Variants in GPC5 observed in about 807,000 individuals in gnomAD.
GPC5 encodes the protein glypican-5.
GPC5 carries 47 observed loss-of-function variants against 53.9 expected under a neutral mutation model. That is an observed-to-expected ratio of 0.87 (90% CI 0.69 to 1.11). GPC5 has a LOEUF of 1.11. GPC5 is among the 50% of genes most tolerant of loss of function. GPC5 has a pLI of 0.00. For synonymous variants in GPC5, 286 were observed against 263.3 expected (o/e 1.09, Z -0.84); for missense variants, 748 against 713.1 (o/e 1.05, Z -0.56).
intron 7 of GPC5, among the ~76,000 whole-genome samples, chr13:92,267,423 T>G (rs1257784335): frequency 6.6e-6 from 1 of 152,118 alleles, no homozygotes; most frequent in Non-Finnish European, 1.5e-5. Context: ...TCTACAATAC[T>G]GAACATTCTG....
intron 7 of GPC5, among the ~76,000 whole-genome samples, chr13:92,425,980 C>A (rs1876814570): frequency 6.6e-6 from 1 of 151,998 alleles, no homozygotes; most frequent in Non-Finnish European, 1.5e-5. Flanking sequence ...AACATTAGAT[C>A]AACATACATT....
At chr13:92,193,542 C>A (rs1209409827) in intron 7 of GPC5, among the ~76,000 whole-genome samples, 1 of 152,112 alleles carries the variant, frequency 6.6e-6, no homozygotes, top group Non-Finnish European at 1.5e-5. Flanking sequence ...TATTTAACTC[C>A]AGATTTGATT....
At chr13:92,083,430 G>A (rs2041312036) in intron 6 of GPC5, among the ~76,000 whole-genome samples, 2 of 152,062 alleles carry the variant, frequency 1.3e-5, no homozygotes, top group Non-Finnish European at 2.9e-5. Context: ...CATATATAGA[G>A]TCAGGAGGTG....
At chr13:92,667,434 C>G (rs10507991) in intron 7 of GPC5, among the ~76,000 whole-genome samples, 33,355 of 152,034 alleles carry the variant, frequency 0.22, 4,345 homozygotes, top group South Asian at 0.36. Flanking sequence ...CAGCAAAATA[C>G]GGTCAGAGAG....
intron 2 of GPC5, among the ~76,000 whole-genome samples, chr13:91,645,729 C>T (rs552698676): frequency 6.6e-6 from 1 of 152,286 alleles, no homozygotes; most frequent in South Asian, 2.1e-4. Flanking sequence ...CTGTGGGATG[C>T]CCACTTTGTC....
At chr13:92,406,850 A>T (rs539006847) in intron 7 of GPC5, among the ~76,000 whole-genome samples, 55 of 152,336 alleles carry the variant, frequency 3.6e-4, no homozygotes, top group African/African-American at 1.3e-3. Context: ...TATCCTGATA[A>T]GTATTCTTGA....
At chr13:91,572,288 T>TATATAC (rs2031955940) in intron 2 of GPC5, among the ~76,000 whole-genome samples, 2 of 151,726 alleles carry the variant, frequency 1.3e-5, no homozygotes, top group African/African-American at 4.8e-5. Flanking sequence ...TATGTATGTG[T>TATATAC]ATATGTGTAT....
intron 6 of GPC5, among the ~76,000 whole-genome samples, chr13:92,052,825 A>T (rs940163895): frequency 6.6e-6 from 1 of 152,122 alleles, no homozygotes; most frequent in African/African-American, 2.4e-5. Context: ...GTTGCAAAGG[A>T]CACCCCAAAG....
chr13:92,786,896 C>G (rs1876255171), intron 7 of GPC5, among the ~76,000 whole-genome samples: 1 of 152,252 alleles, frequency 6.6e-6, no homozygotes, highest in Non-Finnish European at 1.5e-5. Flanking sequence ...CGCATTCCAG[C>G]AACAGGCAAA....
intron 6 of GPC5, among the ~76,000 whole-genome samples, chr13:91,949,461 A>C (rs2040006207): frequency 6.6e-6 from 1 of 152,198 alleles, no homozygotes; most frequent in Non-Finnish European, 1.5e-5. Flanking sequence ...AAACCTACAT[A>C]CAGCAAAAAG....
At chr13:91,661,433 C>T (rs2034986123) in intron 2 of GPC5, among the ~76,000 whole-genome samples, 1 of 152,192 alleles carries the variant, frequency 6.6e-6, no homozygotes, top group South Asian at 2.1e-4. Context: ...TGCAGCCCCT[C>T]CAGCCAGGAT....
intron 2 of GPC5, among the ~76,000 whole-genome samples, chr13:91,657,843 C>T (rs187579695): frequency 2.2e-4 from 33 of 152,166 alleles, no homozygotes; most frequent in African/African-American, 7.7e-4. Context: ...GTTACGCATA[C>T]ATGTAGAAAG....
At chr13:92,609,575 C>A (rs1850190713) in intron 7 of GPC5, among the ~76,000 whole-genome samples, 1 of 152,104 alleles carries the variant, frequency 6.6e-6, no homozygotes, top group African/African-American at 2.4e-5. Context: ...TGAACCAGTG[C>A]CAATAATGAG....
At chr13:91,762,567 A>G (rs1407089070) in intron 5 of GPC5, among the ~76,000 whole-genome samples, 3 of 148,540 alleles carry the variant, frequency 2.0e-5, no homozygotes, top group African/African-American at 7.4e-5. Flanking sequence ...TGACTTAAAC[A>G]CCAGTTTGTT....
intron 4 of GPC5, among the ~76,000 whole-genome samples, chr13:91,739,938 C>T (rs578155264): frequency 6.6e-6 from 1 of 151,412 alleles, no homozygotes; most frequent in South Asian, 2.1e-4. Context: ...AGGCTCTTGG[C>T]AGCAACTTAC....
chr13:92,642,680 T>C (rs928211355), intron 7 of GPC5, among the ~76,000 whole-genome samples: 3 of 152,158 alleles, frequency 2.0e-5, no homozygotes, highest in Non-Finnish European at 4.4e-5. Flanking sequence ...GTCAAATTTG[T>C]AGTTAGACAG....
chr13:92,557,326 T>C (rs1882530741), intron 7 of GPC5, among the ~76,000 whole-genome samples: 1 of 151,972 alleles, frequency 6.6e-6, no homozygotes, highest in African/African-American at 2.4e-5. Context: ...TTTAAAAAGC[T>C]ACGTAGATTC....
Position 91,930,775 on chromosome 13 carries a change from A to G in GPC5, c.1401+22718A>G, listed in dbSNP as rs543901882. ...TGACTCTTCACCCATTATTCATGTGAGAAATTTTCCAGGCACTTCAACATG... is the reference window on the plus strand; with the variant it reads ...TGACTCTTCACCCATTATTCATGTGGGAAATTTTCCAGGCACTTCAACATG... On this transcript the variant is annotated intron_variant, in intron 6 of 7. Transcript: ENST00000377067. 4.6e-5 allele frequency among the ~76,000 whole-genome samples: 7 copies of G among 152,186 alleles called. No individual in the cohort carries two copies. The East Asian group carries it at 1.3e-3, about 29-fold the overall frequency.
At chr13:91,685,590 A>G (rs893765667) in intron 2 of GPC5, among the ~76,000 whole-genome samples, 17 of 152,188 alleles carry the variant, frequency 1.1e-4, no homozygotes, top group African/African-American at 4.1e-4. Flanking sequence ...AATCATTTAT[A>G]TATCTGTTTG....
Sources: allele counts gnomAD v4.1 joint callset (sites outside exome capture counted in the v4.1 genomes callset), GRCh38; gene constraint gnomAD v4.1.1; transcripts MANE v1.5; gene names NCBI Gene and HGNC (gene_info 2026-07-23, HGNC 2026-07-21).